The following APLP2 variants were observed in gnomAD, a reference collection of about 807,000 sequenced individuals.
The protein encoded by APLP2 is amyloid beta precursor like protein 2.
APLP2 carries 53 observed loss-of-function variants against 89.9 expected under a neutral mutation model. That is an observed-to-expected ratio of 0.59 (90% CI 0.47 to 0.74). APLP2 has a LOEUF of 0.74. APLP2 is among the 30% of genes least tolerant of loss of function. The pLI is 0.00. For synonymous variants in APLP2, 372 were observed against 348.6 expected, an observed-to-expected ratio of 1.07 and a Z score of -0.75; for missense variants, 973 against 975.9, an observed-to-expected ratio of 1.00 and a Z score of 0.04.
At chr11:130,084,130 C>T (rs1176832545) in intron 1 of APLP2, among the ~76,000 whole-genome samples, 1 of 152,082 alleles carries the variant, frequency 6.6e-6, no homozygotes, top group African/African-American at 2.4e-5. Flanking sequence ...CCTGTAGTCC[C>T]AGCTACTCGG....
intron 1 of APLP2, among the ~76,000 whole-genome samples, chr11:130,086,925 G>A (rs936803643): frequency 1.3e-4 from 20 of 152,202 alleles, no homozygotes; most frequent in African/African-American, 3.1e-4. Flanking sequence ...TGAGTCTTCC[G>A]TCTCAAGATT....
chr11:130,114,004 A>G lies in APLP2; in HGVS notation c.403+3343A>G, dbSNP rs77651144. ...CATTTGGCAATAAGGCAAACATGGT[A>G]TCCTTATGCCTTAATACTACAGTGT... On this transcript the variant is annotated intron_variant, in intron 3 of 16. Coordinates refer to ENST00000338167, the MANE Select transcript of APLP2 (RefSeq NM_001142276.2). 1.6e-3 allele frequency among the ~76,000 whole-genome samples: 237 copies of G among 152,292 alleles called. 6 individuals are homozygous for G. In the East Asian group the frequency reaches 0.041, roughly 26 times the overall value.
rs1950093362 is a variant in APLP2 at position 130,123,802 on chromosome 11, C to G, written c.1090+23C>G. The G allele has an allele frequency of 6.2e-7, 1 of 1,610,478 alleles. No individual in the cohort carries two copies. Among genetic ancestry groups the G allele is most frequent in the Non-Finnish European group, 8.5e-7 (1 of 1,177,616 alleles). On this transcript the variant is annotated intron_variant, in intron 7 of 16. Coordinates refer to ENST00000338167, the MANE Select transcript of APLP2 (RefSeq NM_001142276.2). This position sits in a 1 kb window ranked among gnomAD's most constrained non-coding sequence, Gnocchi z 4.0. ...TGAGTAAGTCCTGCCTCGCGCTGGT[C>G]CCGTGCGGCAGCACCGTCCTGTCTG...
intron 1 of APLP2, among the ~76,000 whole-genome samples, chr11:130,071,252 C>A (rs1941034883): frequency 6.6e-6 from 1 of 152,162 alleles, no homozygotes; most frequent in Admixed American, 6.5e-5. Context: ...ACAGAATGTT[C>A]AAGTATTTCC....
chr11:130,132,786 C>A (rs1404297540), intron 11 of APLP2, among the ~76,000 whole-genome samples: 2 of 151,906 alleles, frequency 1.3e-5, no homozygotes, highest in African/African-American at 2.4e-5. Context: ...CTTTATTTAC[C>A]ACAATAATCA....
intron 9 of APLP2, among the ~76,000 whole-genome samples, chr11:130,128,593 GT>G: frequency 6.6e-6 from 1 of 152,154 alleles, no homozygotes; most frequent in Admixed American, 6.5e-5. Flanking sequence ...TTTATTGATA[GT>G]AATGGCAAAA....
chr11:130,121,383 T>C (rs1175378163), intron 4 of APLP2, among the ~76,000 whole-genome samples: 1 of 152,234 alleles, frequency 6.6e-6, no homozygotes, highest in Non-Finnish European at 1.5e-5. Context: ...TTTCCACATT[T>C]GGGATTTCAG....
Position 130,126,774 on chromosome 11 carries a change from C to T in APLP2, c.1165C>T (p.Arg389Cys), listed in dbSNP as rs751622676. Residue 389 changes from arginine (R) to cysteine (C), a missense_variant, in exon 8 of 17, where the codon CGC becomes TGC. Arg to Cys is a radical substitution (Grantham distance 180). Coordinates refer to ENST00000338167, the MANE Select transcript of APLP2 (RefSeq NM_001142276.2). The part of the protein sequence containing the change: ...ETSADDNEHA[R>C]FQKAKEQLEI... ...CTCTGCAGATGATAATGAGCATGCT[C>T]GCTTCCAGAAGGCTAAGGAGCAGCT... The T allele has an allele frequency of 3.7e-6, 6 of 1,614,046 alleles. No individual in the cohort carries two copies. Among genetic ancestry groups the T allele is most frequent in the East Asian group, 2.2e-5 (1 of 44,898 alleles).
At chr11:130,072,474 CT>C (rs562054930) in intron 1 of APLP2, among the ~76,000 whole-genome samples, 59,304 of 109,978 alleles carry the variant, frequency 0.54, 14,145 homozygotes, top group East Asian at 0.63. Context: ...GGAATATCGT[CT>C]TTTTTTTTTT....
intron 1 of APLP2, chr11:130,070,682 C>A: frequency 6.8e-7 from 1 of 1,477,798 alleles, no homozygotes; most frequent in South Asian, 1.3e-5. Context: ...GGGGCCGGGT[C>A]GCGGACGCGC....
intron 3 of APLP2, among the ~76,000 whole-genome samples, chr11:130,113,387 A>G (rs11221970): frequency 0.097 from 14,825 of 152,222 alleles, 1,067 homozygotes; most frequent in African/African-American, 0.19. Flanking sequence ...TCCATTTGGT[A>G]CCTTCTTTGC....
At chr11:130,122,168 G>A in intron 5 of APLP2, 137 bp from the exon 6 acceptor site, 1 of 1,042,762 alleles carries the variant, frequency 9.6e-7, no homozygotes, top group Non-Finnish European at 1.4e-6. Context: ...GGGCCCCAGG[G>A]CTTAGTGGCA....
intron 1 of APLP2, among the ~76,000 whole-genome samples, chr11:130,102,189 C>A (rs1296431554): frequency 1.3e-5 from 2 of 152,060 alleles, no homozygotes; most frequent in African/African-American, 4.8e-5. Flanking sequence ...TGAAGTACTT[C>A]AGCGCTTGAA....
chr11:130,126,858 A>ATGG lies in APLP2; in HGVS notation c.1221+30_1221+32dup, dbSNP rs112486138. 1.9e-5 allele frequency: 30 copies of ATGG among 1,613,510 alleles called. 1 individual carries two copies. The highest frequency in any genetic ancestry group is 1.7e-4 in the African/African-American group (13 of 75,026). ...AAACCTTGACAATTTCTTCATCTTCATGGTACTTGGCTTTGGGTAGCATGG... is the reference window on the plus strand; with the variant it reads ...AAACCTTGACAATTTCTTCATCTTCATGGTGGTACTTGGCTTTGGGTAGCATGG... On this transcript the variant is annotated intron_variant, in intron 8 of 16. Coordinates refer to ENST00000338167, the MANE Select transcript of APLP2 (RefSeq NM_001142276.2).
intron 1 of APLP2, among the ~76,000 whole-genome samples, chr11:130,107,990 G>A (rs1484893867): frequency 1.3e-5 from 2 of 152,182 alleles, no homozygotes; most frequent in Non-Finnish European, 2.9e-5. Flanking sequence ...AATAAATGGT[G>A]CTGGGAAAAC....
At chr11:130,109,681 C>T in intron 2 of APLP2, 79 bp downstream of exon 2, 1 of 1,443,678 alleles carries the variant, frequency 6.9e-7, no homozygotes, top group Non-Finnish European at 9.3e-7. Flanking sequence ...AATAGATATT[C>T]TGTCATTCTC....
In APLP2 at chr11:130,121,795, A is replaced by C; in HGVS notation, c.698A>C (p.Tyr233Ser). 1.2e-6 allele frequency: 2 copies of C among 1,612,024 alleles called. No individual in the cohort carries two copies. The highest frequency in any genetic ancestry group is 1.7e-6 in the Non-Finnish European group (2 of 1,179,978). ...EEEEEDEEED[Y>S]DVYKSEFPTE... ...GAAGAGGAAGATGAAGAGGAAGACTATGATGTTTATAAAAGGTAACTCTTC... is the reference window on the plus strand; with the variant it reads ...GAAGAGGAAGATGAAGAGGAAGACTCTGATGTTTATAAAAGGTAACTCTTC... The change falls in exon 5 of 17, where the codon TAT becomes TCT. Residue 233 changes from tyrosine to serine, a missense_variant. Physicochemically the swap from Tyr to Ser is moderately radical, Grantham distance 144. Transcript: ENST00000338167.
At chr11:130,140,682 C>T (rs926436425) in intron 14 of APLP2, 199 bp downstream of exon 14, 1 of 413,616 alleles carries the variant, frequency 2.4e-6, no homozygotes, top group African/African-American at 2.0e-5. Context: ...AAGCCCTTTT[C>T]AGCAGTAGCT....
intron 3 of APLP2, 145 bp downstream of exon 3, chr11:130,110,806 G>A: frequency 1.8e-6 from 2 of 1,106,092 alleles, no homozygotes; most frequent in Non-Finnish European, 2.5e-6. Context: ...TCTTAGGGGT[G>A]TTTGCTGGCT....
Sources: gnomAD v4.1 joint callset for allele counts (sites outside exome capture counted in the v4.1 genomes callset) on GRCh38, gnomAD v4.1.1 for gene constraint, Gnocchi (gnomAD v3.1) non-coding constraint, MANE v1.5 for transcripts, NCBI Gene and HGNC (gene_info 2026-07-23, HGNC 2026-07-21) for gene names.